RNF214: variants seen among roughly 807,000 people sequenced by gnomAD.
RNF214 encodes the protein ring finger protein 214.
A neutral mutation model predicts 75.9 loss-of-function variants in RNF214; 25 were observed. The ratio of observed to expected loss-of-function variants is 0.33; its 90% CI spans 0.24 to 0.46. RNF214 has a LOEUF of 0.46. RNF214 is among the 20% of genes least tolerant of loss of function. RNF214 has a pLI of 1.00. For synonymous variants in RNF214, 314 were observed against 308.8 expected (o/e 1.02, Z -0.18); for missense variants, 725 against 857.5 (o/e 0.85, Z 1.93).
intron 6 of RNF214, among the ~76,000 whole-genome samples, chr11:117,270,422 TA>T (rs1469087681): frequency 2.6e-5 from 4 of 151,648 alleles, no homozygotes; most frequent in African/African-American, 9.7e-5. Flanking sequence ...CACACCACTC[TA>T]ATTTATTTAC....
intron 14 of RNF214, among the ~76,000 whole-genome samples, 159 bp downstream of exon 14, chr11:117,283,369 TG>T (rs2034168971): frequency 6.6e-6 from 1 of 152,092 alleles, no homozygotes; most frequent in South Asian, 2.1e-4. Context: ...TGTTTTGTTT[TG>T]TTTTGTTTTA....
chr11:117,272,784 G>T (rs935575087), intron 6 of RNF214, among the ~76,000 whole-genome samples: 2 of 151,994 alleles, frequency 1.3e-5, no homozygotes, highest in African/African-American at 4.8e-5. Flanking sequence ...ATGACTAGAT[G>T]CTAAAAATTA....
At chr11:117,239,936 AAAAGG>A (rs2134357570) in intron 4 of RNF214, 76 bp downstream of exon 4, 1 of 804,624 alleles carries the variant, frequency 1.2e-6, no homozygotes, top group East Asian at 2.6e-5. Flanking sequence ...TCTCAGTTGG[AAAAGG>A]TGCAGGAGTC....
Position 117,244,567 on chromosome 11 carries a change from G to A in RNF214, c.801G>A (p.Glu267=). ...AGCAGCTTCAGCAAAGGAGAGAAGA[G>A]GAAATGAAGAATCACCAGGTATTTT... ...QLKQLQQRRE[E]EMKNHQEILK... The change falls in exon 5 of 15, where the codon GAG becomes GAA. Residue 267 remains glutamate (E), a synonymous_variant. Transcript: ENST00000300650. 1 of 1,608,244 alleles carries A rather than the reference G, an allele frequency of 6.2e-7. No individual in the cohort carries two copies. Among genetic ancestry groups the A allele is most frequent in the Non-Finnish European group, 8.5e-7 (1 of 1,177,734 alleles).
At chr11:117,268,212 A>C (rs915502659) in intron 6 of RNF214, among the ~76,000 whole-genome samples, 3 of 152,202 alleles carry the variant, frequency 2.0e-5, no homozygotes, top group Non-Finnish European at 4.4e-5. Flanking sequence ...GTTCTTAGTC[A>C]TATTGTTCTG....
intron 6 of RNF214, among the ~76,000 whole-genome samples, chr11:117,262,092 A>T (rs529470): frequency 5.5e-5 from 8 of 145,798 alleles, no homozygotes; most frequent in South Asian, 2.2e-4. Context: ...TTTTTGAGAT[A>T]CGAGTCTGGC....
intron 8 of RNF214, 141 bp downstream of exon 8, chr11:117,280,400 G>A: frequency 1.5e-6 from 1 of 675,016 alleles, no homozygotes; most frequent in East Asian, 2.5e-5. Context: ...GTCTGCAGTA[G>A]CAATTGCTCA....
Position 117,264,683 on chromosome 11 carries a change from A to G in RNF214, c.960-15225A>G, listed in dbSNP as rs541307720. Among the ~76,000 whole-genome samples the G allele has an allele frequency of 3.9e-5, 6 of 152,162 alleles. No individual in the cohort carries two copies. In the East Asian group the frequency reaches 7.7e-4, roughly 20 times the overall value. On this transcript the variant is annotated intron_variant, in intron 6 of 14. Transcript: ENST00000300650. ...TATGTGATATTGCTATAGACACTGC[A>G]TTTGTCTTATACTTACTTTTTACAT...
chr11:117,242,028 T>C lies in RNF214; in HGVS notation c.678+2168T>C, dbSNP rs371293070. On this transcript the variant is annotated intron_variant, in intron 4 of 14. Transcript: ENST00000300650. ...TTTTAGTCAAATTCCATCCAGTCTT[T>C]TTTTCATGTATTATTTACTTGTGTC... 1.1e-4 allele frequency among the ~76,000 whole-genome samples: 17 copies of C among 152,340 alleles called. No homozygotes were observed. The East Asian group carries it at 1.5e-3, about 14-fold the overall frequency.
intron 6 of RNF214, among the ~76,000 whole-genome samples, chr11:117,276,233 C>T (rs765139628): frequency 6.6e-6 from 1 of 152,082 alleles, no homozygotes; most frequent in Non-Finnish European, 1.5e-5. Flanking sequence ...AAGGAACATA[C>T]CTCAAAATAA....
chr11:117,248,326 T>TC (rs1185841973), intron 6 of RNF214, among the ~76,000 whole-genome samples: 5 of 152,336 alleles, frequency 3.3e-5, no homozygotes, highest in East Asian at 1.9e-4. Context: ...TCCGCCTGCC[T>TC]CGGCCTCCCA....
At chr11:117,260,004 C>A (rs2033618923) in intron 6 of RNF214, among the ~76,000 whole-genome samples, 2 of 151,962 alleles carry the variant, frequency 1.3e-5, no homozygotes, top group Non-Finnish European at 2.9e-5. Context: ...AAGATGTTCT[C>A]CTGTATTTTG....
rs192747452 is a variant in RNF214 at position 117,254,174 on chromosome 11, G to A, written c.959+7226G>A. ...TGAGACACAAGAATTGCTTAAACCCGGGAGGTGGAGGTTGCAGTGAGCTGA... is the reference window on the plus strand; with the variant it reads ...TGAGACACAAGAATTGCTTAAACCCAGGAGGTGGAGGTTGCAGTGAGCTGA... On this transcript the variant is annotated intron_variant, in intron 6 of 14. Transcript: ENST00000300650. 4.4e-4 allele frequency among the ~76,000 whole-genome samples: 67 copies of A among 152,120 alleles called. 1 individual carries two copies. In the East Asian group the frequency reaches 6.4e-3, roughly 14 times the overall value.
intron 4 of RNF214, among the ~76,000 whole-genome samples, chr11:117,240,685 C>T (rs987050185): frequency 3.3e-5 from 5 of 151,772 alleles, no homozygotes; most frequent in African/African-American, 1.2e-4. Flanking sequence ...AGCTCCATCT[C>T]AAAAAACAAA....
At chr11:117,270,608 C>T (rs1174933279) in intron 6 of RNF214, among the ~76,000 whole-genome samples, 6 of 151,624 alleles carry the variant, frequency 4.0e-5, no homozygotes, top group African/African-American at 7.3e-5. Context: ...CTACCACACC[C>T]GGCTAATTTT....
intron 6 of RNF214, among the ~76,000 whole-genome samples, chr11:117,263,276 GAA>G (rs34638904): frequency 6.7e-6 from 1 of 149,468 alleles, no homozygotes. Context: ...ATTAACAGGA[GAA>G]AAAAAAACTT....
At chr11:117,237,275 C>G (rs1272479731) in intron 2 of RNF214, among the ~76,000 whole-genome samples, 1 of 152,150 alleles carries the variant, frequency 6.6e-6, no homozygotes, top group African/African-American at 2.4e-5. Flanking sequence ...GAGAGAGGGT[C>G]TTGCTATGTT....
chr11:117,278,928 C>CA (rs1005344031), intron 6 of RNF214, among the ~76,000 whole-genome samples: 2 of 151,972 alleles, frequency 1.3e-5, no homozygotes, highest in East Asian at 1.9e-4. Flanking sequence ...CCTGTCTCTA[C>CA]AAAAAATAAT....
At chr11:117,243,147 AATTT>A (rs199909646) in intron 4 of RNF214, among the ~76,000 whole-genome samples, 1 of 150,342 alleles carries the variant, frequency 6.7e-6, no homozygotes, top group African/African-American at 2.4e-5. Context: ...TTAATTAATT[AATTT>A]ATTTATTTAT....
Sources: allele counts gnomAD v4.1 joint callset (sites outside exome capture counted in the v4.1 genomes callset), GRCh38; gene constraint gnomAD v4.1.1; transcripts MANE v1.5; gene names NCBI Gene and HGNC (gene_info 2026-07-23, HGNC 2026-07-21).